TGIF1: variants seen among roughly 807,000 people sequenced by gnomAD.
TGIF1 encodes homeobox protein TGIF1.
In TGIF1, 4 loss-of-function variants were observed where a neutral mutation model predicts 19.3. That is an observed-to-expected ratio of 0.21 (90% CI 0.10 to 0.47). TGIF1 has a LOEUF of 0.47. Ranked by LOEUF, TGIF1 falls within the 20% of genes least tolerant of loss-of-function variation. The probability of loss-of-function intolerance (pLI) is 0.98; values close to 1 mark genes in which losing one functional copy is unlikely to be tolerated. For missense variants in TGIF1, 275 were observed against 341.4 expected, an observed-to-expected ratio of 0.81 and a Z score of 1.53; for synonymous variants, 122 against 129.3, an observed-to-expected ratio of 0.94 and a Z score of 0.38.
chr18:3,428,681 G>T (rs2082506671), intron 2 of TGIF1, among the ~76,000 whole-genome samples: 1 of 151,940 alleles, frequency 6.6e-6, no homozygotes, highest in African/African-American at 2.4e-5. Flanking sequence ...AGGTTGCAGT[G>T]AGCCAAAATC....
At chr18:3,412,755 TC>T (rs1268774535) in intron 1 of TGIF1, 6 of 152,276 alleles carry the variant, frequency 3.9e-5, no homozygotes, top group Non-Finnish European at 7.3e-5. Flanking sequence ...TTGTCAAGTT[TC>T]CTAGCCTGAG....
chr18:3,419,210 A>G (rs948269936), intron 2 of TGIF1, among the ~76,000 whole-genome samples: 1 of 152,240 alleles, frequency 6.6e-6, no homozygotes, highest in Non-Finnish European at 1.5e-5. Flanking sequence ...AATAAACTCA[A>G]TAATGTTGAG....
intron 1 of TGIF1, among the ~76,000 whole-genome samples, chr18:3,414,149 T>C (rs932865888): frequency 1.3e-5 from 2 of 152,348 alleles, no homozygotes; most frequent in East Asian, 1.9e-4. Flanking sequence ...AGGCTGTGTG[T>C]CCAATTTTTG....
Position 3,456,532 on chromosome 18 carries a change from G to T in TGIF1, c.195G>T (p.Glu65Asp). Reference protein sequence around the residue: ...YEHRYNAYPSEQEKALLSQQT... With the variant: ...YEHRYNAYPSDQEKALLSQQT... ...ACCGTTACAATGCCTATCCTTCAGAGCAAGAAAAAGCGTTGCTGTCCCAGC... is the reference window on the plus strand; with the variant it reads ...ACCGTTACAATGCCTATCCTTCAGATCAAGAAAAAGCGTTGCTGTCCCAGC... The change falls in exon 2 of 3, where the codon GAG becomes GAT. Residue 65 changes from glutamate to aspartate, a missense_variant. Transcript: ENST00000343820. The surrounding 1 kb of genome is among the most constrained non-coding windows in gnomAD (Gnocchi z 4.2). 1 of 1,614,248 alleles carries T rather than the reference G, an allele frequency of 6.2e-7. No homozygotes were observed. The highest frequency in any genetic ancestry group is 1.1e-5 in the South Asian group (1 of 91,084).
chr18:3,419,862 T>C (rs932409733), intron 2 of TGIF1, among the ~76,000 whole-genome samples: 2 of 151,988 alleles, frequency 1.3e-5, no homozygotes, highest in African/African-American at 4.8e-5. Flanking sequence ...AAAAATTAGC[T>C]GGGCATGGTG....
chr18:3,449,691 C>T, upstream of TGIF1: 1 of 985,464 alleles, frequency 1.0e-6, no homozygotes, highest in Non-Finnish European at 1.2e-6. Context: ...TCCTCCCGTG[C>T]CCCGCCCCTT....
intron 1 of TGIF1, chr18:3,452,331 C>T (rs763246046): frequency 2.5e-6 from 4 of 1,613,146 alleles, no homozygotes; most frequent in Admixed American, 3.3e-5. Flanking sequence ...GTCCCCATCC[C>T]AGGGCGCACA....
chr18:3,457,746 A>G lies in TGIF1; in HGVS notation c.625A>G (p.Thr209Ala). The G allele has an allele frequency of 6.2e-7, 1 of 1,614,200 alleles. No individual in the cohort carries two copies. The highest frequency in any genetic ancestry group is 8.5e-7 in the Non-Finnish European group (1 of 1,180,042). The change falls in exon 3 of 3, where the codon ACA becomes GCA. Residue 209 changes from threonine to alanine, a missense_variant. Physicochemically the swap from Thr to Ala is moderately conservative, Grantham distance 58. Transcript: ENST00000343820. The surrounding 1 kb of genome is among the most constrained non-coding windows in gnomAD (Gnocchi z 4.9). ...ACAGCAGATAGCGGCCAAAAACTTC[A>G]CAGACACCTCTCTCATGTACCCAGA... is the stretch of plus-strand genomic sequence containing the variant. ...DIQQIAAKNF[T>A]DTSLMYPEDT...
intron 2 of TGIF1, among the ~76,000 whole-genome samples, chr18:3,426,916 CTTTTTTT>C (rs545236407): frequency 3.6e-4 from 36 of 100,076 alleles, no homozygotes; most frequent in African/African-American, 6.4e-4. Flanking sequence ...AGGATGATCT[CTTTTTTT>C]TTTTTTTTTT....
upstream of TGIF1, chr18:3,448,355 CGGCCCCCTCTAACGGGCGGCGGGGGCGCT>C (rs1034729483): frequency 9.9e-7 from 1 of 1,007,184 alleles, no homozygotes; most frequent in Non-Finnish European, 1.2e-6. Flanking sequence ...AATAGCGAGG[CGGCCCCCTCTAACGGGCGGCGGGGGCGCT>C]GGCCCCCTCC....
rs772304509 is a variant in TGIF1, at chr18:3,451,944, CTCCCGGGA to C, written c.16+1440_16+1447del. On this transcript the variant is annotated intron_variant, in intron 1 of 2. Transcript: ENST00000343820. This position sits in a 1 kb window ranked among gnomAD's most constrained non-coding sequence, Gnocchi z 5.4. ...ACACGCGCTGTCTGTTGTGGTGGGCCTCCCGGGAATAAGTGAGGGGCTCTGTGTTTCGA... is the reference window on the plus strand; with the variant it reads ...ACACGCGCTGTCTGTTGTGGTGGGCCATAAGTGAGGGGCTCTGTGTTTCGA... 44 of 1,548,814 alleles carry C rather than the reference CTCCCGGGA, an allele frequency of 2.8e-5. No individual in the cohort carries two copies. Among genetic ancestry groups the C allele is most frequent in the Non-Finnish European group, 3.8e-5 (44 of 1,145,770 alleles).
intron 2 of TGIF1, among the ~76,000 whole-genome samples, chr18:3,425,400 C>T (rs891759856): frequency 6.6e-6 from 1 of 152,154 alleles, no homozygotes. Context: ...ATGAGAGGGG[C>T]CTGAATTCTA....
At chr18:3,423,937 A>T (rs2082438582) in intron 2 of TGIF1, among the ~76,000 whole-genome samples, 1 of 152,106 alleles carries the variant, frequency 6.6e-6, no homozygotes, top group African/African-American at 2.4e-5. Context: ...AGGTAGAGAG[A>T]ATTAAAGCAG....
intron 2 of TGIF1, among the ~76,000 whole-genome samples, chr18:3,422,688 T>TTTTG (rs1568029580): frequency 4.4e-4 from 14 of 31,880 alleles, no homozygotes; most frequent in African/African-American, 7.2e-4. Context: ...TTTTTTTTTT[T>TTTTG]TTTTTTTTTT....
chr18:3,415,226 G>C (rs959759929), intron 1 of TGIF1: 3 of 225,508 alleles, frequency 1.3e-5, no homozygotes, highest in Non-Finnish European at 2.8e-5. Flanking sequence ...CCGTTTGGCA[G>C]CTTCTGTCGA....
intron 2 of TGIF1, among the ~76,000 whole-genome samples, chr18:3,419,026 C>A (rs568738512): frequency 1.3e-4 from 20 of 152,228 alleles, no homozygotes; most frequent in African/African-American, 4.8e-4. Context: ...CCATTACACT[C>A]CAGCTTGGGT....
chr18:3,447,809 T>G, upstream of TGIF1: 3 of 1,614,134 alleles, frequency 1.9e-6, no homozygotes, highest in Non-Finnish European at 2.5e-6. Flanking sequence ...TGAGTTCACA[T>G]CTCCGTTTTT....
chr18:3,457,340 T>G lies in TGIF1; in HGVS notation c.244-25T>G. 1 of 1,613,452 alleles carries G rather than the reference T, an allele frequency of 6.2e-7. No individual in the cohort carries two copies. The highest frequency in any genetic ancestry group is 1.1e-5 in the South Asian group (1 of 90,974). On this transcript the variant is annotated intron_variant, in intron 2 of 2. Transcript: ENST00000343820. This position sits in a 1 kb window ranked among gnomAD's most constrained non-coding sequence, Gnocchi z 4.9. Reference sequence around the variant, plus strand: ...GTTGGCTGAGTGAATGAGGAAAATGTTAAAGCGTACCGATATGATTTCAGG... The same window carrying G: ...GTTGGCTGAGTGAATGAGGAAAATGGTAAAGCGTACCGATATGATTTCAGG...
chr18:3,451,660 T>C lies in TGIF1; in HGVS notation c.16+1155T>C. 8.7e-7 allele frequency: 1 copy of C among 1,149,756 alleles called. No individual in the cohort carries two copies. The highest frequency in any genetic ancestry group is 1.1e-6 in the Non-Finnish European group (1 of 935,820). 71.2% of individuals were successfully genotyped at this position (1,149,756 alleles called of 1,614,324 possible). ...GTAGCCTCAAGGCCAGCGGGGTTCC[T>C]TCGGCTGCGTTTCTGTGGGAGGCCC... is the stretch of plus-strand genomic sequence containing the variant. On this transcript the variant is annotated intron_variant, in intron 1 of 2. Transcript: ENST00000343820. This position sits in a 1 kb window ranked among gnomAD's most constrained non-coding sequence, Gnocchi z 5.4.
Sources: gnomAD v4.1 joint callset for allele counts (sites outside exome capture counted in the v4.1 genomes callset) on GRCh38, gnomAD v4.1.1 for gene constraint, Gnocchi (gnomAD v3.1) non-coding constraint, MANE v1.5 for transcripts, NCBI Gene and HGNC (gene_info 2026-07-23, HGNC 2026-07-21) for gene names.